The following NVL variants were observed in gnomAD, a reference collection of about 807,000 sequenced individuals.
NVL encodes nuclear valosin-containing protein-like.
NVL carries 84 observed loss-of-function variants against 110.2 expected under a neutral mutation model. The observed-to-expected ratio is 0.76, with a 90% confidence interval of 0.64 to 0.91. The LOEUF is 0.91. Among genes scored for constraint, NVL ranks in the 40% least tolerant of loss-of-function variants. The probability of loss-of-function intolerance (pLI) is 0.00; values close to 1 mark genes in which losing one functional copy is unlikely to be tolerated. For missense variants in NVL, 882 were observed against 1,035.9 expected, an observed-to-expected ratio of 0.85 and a Z score of 2.04; for synonymous variants, 354 against 361.1, an observed-to-expected ratio of 0.98 and a Z score of 0.22.
chr1:224,275,963 T>G (rs779778844), intron 16 of NVL, among the ~76,000 whole-genome samples: 22 of 152,230 alleles, frequency 1.4e-4, no homozygotes, highest in African/African-American at 5.3e-4. Flanking sequence ...AACTAGGCAC[T>G]TAACAGGTTT....
At chr1:224,319,121 C>T (rs1332233996) in intron 2 of NVL, among the ~76,000 whole-genome samples, 1 of 122,204 alleles carries the variant, frequency 8.2e-6, no homozygotes, top group African/African-American at 3.2e-5. Flanking sequence ...CACCACTGCA[C>T]TCCAGCCTGG....
At chr1:224,231,323 C>T (rs752252476) in intron 21 of NVL, 27 bp from the exon 22 acceptor site, 2 of 1,567,842 alleles carry the variant, frequency 1.3e-6, no homozygotes, top group African/African-American at 1.4e-5. Flanking sequence ...CAAATATACA[C>T]ATCTCAGTAT....
chr1:224,298,817 C>T (rs1478809686), intron 10 of NVL, among the ~76,000 whole-genome samples: 1 of 151,994 alleles, frequency 6.6e-6, no homozygotes, highest in Non-Finnish European at 1.5e-5. Context: ...AGAAAACAGC[C>T]AGGTATTATT....
At chr1:224,310,178 C>CTAA (rs1669368730) in intron 5 of NVL, among the ~76,000 whole-genome samples, 1 of 39,220 alleles carries the variant, frequency 2.5e-5, no homozygotes, top group Non-Finnish European at 5.3e-5. Context: ...GACTCCCTCG[C>CTAA]AAAAAAAAAA....
chr1:224,259,647 A>G (rs1476517702), intron 18 of NVL, among the ~76,000 whole-genome samples: 2 of 151,748 alleles, frequency 1.3e-5, no homozygotes, highest in African/African-American at 2.4e-5. Flanking sequence ...TAATAATAAG[A>G]ATGATGTTTT....
chr1:224,271,395 G>A (rs554152931), intron 17 of NVL, among the ~76,000 whole-genome samples: 60 of 152,066 alleles, frequency 3.9e-4, no homozygotes, highest in Non-Finnish European at 7.2e-4. Flanking sequence ...CAGCTGAGGT[G>A]GGATCATTTC....
At chr1:224,284,388 T>C (rs1396746020) in intron 15 of NVL, among the ~76,000 whole-genome samples, 1 of 152,114 alleles carries the variant, frequency 6.6e-6, no homozygotes, top group African/African-American at 2.4e-5. Flanking sequence ...ACTAGTTTTT[T>C]TTTTTGAGAC....
intron 19 of NVL, among the ~76,000 whole-genome samples, chr1:224,236,942 G>T (rs1381183325): frequency 6.6e-6 from 1 of 152,098 alleles, no homozygotes; most frequent in Non-Finnish European, 1.5e-5. Context: ...CTACATAATA[G>T]GTTCTTAATA....
At chr1:224,303,264 G>A (rs899205494) in intron 9 of NVL, among the ~76,000 whole-genome samples, 2 of 151,726 alleles carry the variant, frequency 1.3e-5, no homozygotes, top group Admixed American at 6.6e-5. Context: ...GTGAAACCCC[G>A]TCTCTACTAT....
rs541886599 is a variant in NVL, at chr1:224,317,916, C to T, written c.146G>A (p.Arg49Gln). The change falls in exon 3 of 23, where the codon CGA becomes CAA. Residue 49 changes from arginine (R) to glutamine (Q), a missense_variant. Transcript: ENST00000281701. The part of the protein sequence containing the change: ...LQRVYSIDYG[R>Q]RKRNAFRIQV... ...AATCCTAAAAGCATTTCTTTTTCTT[C>T]GACCATAGTCTATACTGAAAAAAGA... 1.0e-5 allele frequency: 16 copies of T among 1,597,312 alleles called. No individual in the cohort carries two copies. The highest frequency in any genetic ancestry group is 5.4e-5 in the African/African-American group (4 of 74,356).
rs1319675392 is a variant in NVL, at chr1:224,275,338, C to T, written c.2082+1G>A. 1 of 1,614,140 alleles carries T rather than the reference C, an allele frequency of 6.2e-7. No individual in the cohort carries two copies. Among genetic ancestry groups the T allele is most frequent in the South Asian group, 1.1e-5 (1 of 91,086 alleles). The stretch of plus-strand genomic sequence containing the variant: ...GAAAACCACTAGTCCATGATACTTA[C>T]CTCTCGGTCTGATCTTCGAGGACAT... On this transcript the variant is annotated splice_donor_variant, in intron 17 of 22. Coordinates refer to ENST00000281701, the MANE Select transcript of NVL (RefSeq NM_002533.4). LOFTEE classifies it high-confidence loss of function.
At chr1:224,235,121 C>T (rs1344753269) in intron 20 of NVL, among the ~76,000 whole-genome samples, 3 of 151,960 alleles carry the variant, frequency 2.0e-5, no homozygotes, top group Non-Finnish European at 4.4e-5. Flanking sequence ...GTAAACTACT[C>T]AAGTAGTAGT....
intron 17 of NVL, 53 bp downstream of exon 17, chr1:224,275,278 GAACATAGA>G: frequency 6.3e-7 from 1 of 1,594,840 alleles, no homozygotes; most frequent in Admixed American, 1.7e-5. Flanking sequence ...ACCTGGCTTG[GAACATAGA>G]AAAGGTTTAT....
intron 18 of NVL, among the ~76,000 whole-genome samples, chr1:224,260,062 G>C (rs969567516): frequency 2.0e-5 from 3 of 152,144 alleles, no homozygotes; most frequent in African/African-American, 7.2e-5. Flanking sequence ...TAAAAGGGCA[G>C]TACTGTGCCA....
At chr1:224,258,003 T>C (rs189236425) in intron 18 of NVL, among the ~76,000 whole-genome samples, 7 of 152,252 alleles carry the variant, frequency 4.6e-5, no homozygotes, top group Admixed American at 4.6e-4. Context: ...GCAATGATTT[T>C]TACACCATTG....
At chr1:224,324,948 T>C (rs1027255798) in intron 2 of NVL, among the ~76,000 whole-genome samples, 4 of 152,102 alleles carry the variant, frequency 2.6e-5, no homozygotes, top group African/African-American at 9.7e-5. Flanking sequence ...CATTTGGAGA[T>C]AGAGCCTCTA....
chr1:224,310,106 G>C (rs1196186428), intron 5 of NVL, among the ~76,000 whole-genome samples: 2 of 145,980 alleles, frequency 1.4e-5, no homozygotes, highest in African/African-American at 5.1e-5. Context: ...AGCCGAGATC[G>C]CACCACTGCA....
At chr1:224,252,927 A>G (rs772525860) in intron 18 of NVL, among the ~76,000 whole-genome samples, 2 of 152,196 alleles carry the variant, frequency 1.3e-5, no homozygotes, top group Non-Finnish European at 2.9e-5. Context: ...TGCATTTTCT[A>G]AAGTTTTATG....
intron 2 of NVL, among the ~76,000 whole-genome samples, chr1:224,325,000 C>T (rs1303696592): frequency 6.6e-6 from 1 of 152,166 alleles, no homozygotes; most frequent in African/African-American, 2.4e-5. Flanking sequence ...GTGGCTCCCA[C>T]CTATAACCCC....
Sources: gnomAD v4.1 joint callset for allele counts (sites outside exome capture counted in the v4.1 genomes callset) on GRCh38, gnomAD v4.1.1 for gene constraint, MANE v1.5 for transcripts, NCBI Gene and HGNC (gene_info 2026-07-23, HGNC 2026-07-21) for gene names.